The following MYH7 variants were observed in gnomAD, a reference collection of about 807,000 sequenced individuals.
The protein encoded by MYH7 is myosin-7.
In MYH7, 129 loss-of-function variants were observed where a neutral mutation model predicts 225.4. The ratio of observed to expected loss-of-function variants is 0.57; its 90% CI spans 0.50 to 0.66. The LOEUF (loss-of-function observed/expected upper bound fraction) is 0.66. MYH7 is among the 30% of genes least tolerant of loss of function. The pLI is 0.00. For synonymous variants in MYH7, 971 were observed against 1,007.6 expected (o/e 0.96, Z 0.69); for missense variants, 1,649 against 2,517.0 (o/e 0.66, Z 7.38).
Position 23,425,797 on chromosome 14 carries a change from C to T in MYH7, c.2184G>A (p.Ala728=), listed in dbSNP as rs148650290. The change falls in exon 20 of 40, where the codon GCG becomes GCA. Residue 728 remains alanine, a synonymous_variant. Coordinates refer to ENST00000355349, the MANE Select transcript of MYH7 (RefSeq NM_000257.4). The surrounding 1 kb of genome is among the most constrained non-coding windows in gnomAD (Gnocchi z 4.6). The part of the protein sequence containing the change: ...FRQRYRILNP[A]AIPEGQFIDS... ...CAATGAACTGTCCCTCAGGGATGGC[C>T]GCTGGGTTCAGGATGCGATACCTGA... 119 of 1,613,952 alleles carry T rather than the reference C, an allele frequency of 7.4e-5. 1 individual carries two copies. Among genetic ancestry groups the T allele is most frequent in the South Asian group, 4.6e-4 (42 of 91,074 alleles).
Position 23,415,907 on chromosome 14 carries a change from C to T in MYH7, c.4954-75G>A. Reference sequence around the variant, plus strand: ...TCACTAAAGGCACCTGTCAGAGGTCCCTGCAGTAACCTAGGGGCAGGAGGA... The same window carrying T: ...TCACTAAAGGCACCTGTCAGAGGTCTCTGCAGTAACCTAGGGGCAGGAGGA... On this transcript the variant is annotated intron_variant, in intron 34 of 39. Transcript: ENST00000355349. This position sits in a 1 kb window ranked among gnomAD's most constrained non-coding sequence, Gnocchi z 6.3. 2.5e-6 allele frequency: 4 copies of T among 1,613,162 alleles called. No individual in the cohort carries two copies. The highest frequency in any genetic ancestry group is 1.1e-5 in the South Asian group (1 of 91,000).
In MYH7 at chr14:23,433,113, T is replaced by C; in HGVS notation, c.316A>G (p.Lys106Glu). 1 of 1,613,996 alleles carries C rather than the reference T, an allele frequency of 6.2e-7. No individual in the cohort carries two copies. The highest frequency in any genetic ancestry group is 8.5e-7 in the Non-Finnish European group (1 of 1,179,996). ...ATCATCCAGGAGCCGTAGCGATCCT[T>C]GAGGTTGTAGAGCACCGCGGGCTCA... is the stretch of plus-strand genomic sequence containing the variant. ...LHEPAVLYNL[K>E]DRYGSWMIYT... Residue 106 changes from lysine to glutamate, a missense_variant, in exon 4 of 40, where the codon AAG becomes GAG. Lys to Glu is a moderately conservative substitution (Grantham distance 56). Transcript: ENST00000355349. The surrounding 1 kb of genome is among the most constrained non-coding windows in gnomAD (Gnocchi z 4.1).
chr14:23,426,067 G>A lies in MYH7; in HGVS notation c.2059C>T (p.Pro687Ser). The A allele has an allele frequency of 1.9e-6, 3 of 1,614,184 alleles. No homozygotes were observed. Among genetic ancestry groups the A allele is most frequent in the Non-Finnish European group, 2.5e-6 (3 of 1,180,024 alleles). Residue 687 changes from proline to serine, a missense_variant, in exon 19 of 40, where the codon CCC (proline) becomes TCC (serine). Physicochemically the swap from Pro to Ser is moderately conservative, Grantham distance 74. Coordinates refer to ENST00000355349, the MANE Select transcript of MYH7 (RefSeq NM_000257.4). ...ETKSPGVMDN[P>S]LVMHQLRCNG... ...CAGCGCAGCTGGTGCATGACCAGGG[G>A]GTTGTCCATCACCCCTGTGGCAAGA...
rs751695298 is a variant in MYH7, at chr14:23,420,072, G to C, written c.3499C>G (p.Arg1167Gly). 6 of 1,592,276 alleles carry C rather than the reference G, an allele frequency of 3.8e-6. No individual in the cohort carries two copies. Among genetic ancestry groups the C allele is most frequent in the Non-Finnish European group, 4.3e-6 (5 of 1,167,482 alleles). The change falls in exon 27 of 40, where the codon CGC becomes GGC. Residue 1167 changes from arginine to glycine, a missense_variant. Physicochemically the swap from Arg to Gly is moderately radical, Grantham distance 125. Around this residue, in one of 12 missense-constraint regions of MYH7, gnomAD observed 106 missense variants for 198.8 expected, o/e 0.53. Transcript: ENST00000355349. ...CGCATCTTCTGGAACTCGGCCTCGCGCTTCTTGTTCATCTCGATCTGCACG... is the reference window on the plus strand; with the variant it reads ...CGCATCTTCTGGAACTCGGCCTCGCCCTTCTTGTTCATCTCGATCTGCACG... The part of the protein sequence containing the change: ...TSVQIEMNKK[R>G]EAEFQKMRRD...
chr14:23,429,440 C>T (rs1892832906), intron 12 of MYH7, 93 bp from the exon 13 acceptor site: 1 of 1,273,180 alleles, frequency 7.9e-7, no homozygotes, highest in South Asian at 1.2e-5. Flanking sequence ...CTTTGGGAGG[C>T]CAAGGCAGGC....
Position 23,429,255 on chromosome 14 carries a change from C to T in MYH7, c.1231G>A (p.Val411Ile), listed in dbSNP as rs730880868. Residue 411 changes from valine (V) to isoleucine (I), a missense_variant, in exon 13 of 40, where the codon GTC (valine) becomes ATC (isoleucine). Val to Ile is a conservative substitution (Grantham distance 29). This residue lies in a region of MYH7 where 76 missense variants were observed against 233.8 expected (regional missense o/e 0.33). Transcript: ENST00000355349. ...TGCTGGACATTCTGCCCCTTGGTGA[C>T]GTACTCATTGCCCACTTTCACCCGA... ...HPRVKVGNEYVTKGQNVQQVI... is the reference protein window; with the variant it reads ...HPRVKVGNEYITKGQNVQQVI... 15 of 1,614,092 alleles carry T rather than the reference C, an allele frequency of 9.3e-6. No homozygotes were observed. The highest frequency in any genetic ancestry group is 3.3e-5 in the Admixed American group (2 of 60,004).
intron 25 of MYH7, among the ~76,000 whole-genome samples, chr14:23,421,316 G>C (rs942372448): frequency 6.6e-6 from 1 of 152,172 alleles, no homozygotes; most frequent in Non-Finnish European, 1.5e-5. Context: ...TTCTCATAAT[G>C]TAAAATGAGG....
intron 25 of MYH7, among the ~76,000 whole-genome samples, chr14:23,421,466 A>G (rs1290274572): frequency 6.6e-6 from 1 of 152,216 alleles, no homozygotes; most frequent in Non-Finnish European, 1.5e-5. Context: ...TACCATCCTT[A>G]AAAGGTGTTT....
chr14:23,428,452 C>T, intron 15 of MYH7, 48 bp downstream of exon 15: 1 of 1,613,320 alleles, frequency 6.2e-7, no homozygotes, highest in South Asian at 1.1e-5. Context: ...CTATGGTGTT[C>T]TTGTTGGGTG....
intron 13 of MYH7, 44 bp downstream of exon 13, chr14:23,429,185 T>A: frequency 2.5e-6 from 4 of 1,613,774 alleles, no homozygotes; most frequent in Non-Finnish European, 3.4e-6. Flanking sequence ...ACCATGCCAG[T>A]CTCCCTACCC....
At position 23,416,244 on chromosome 14, in the gene MYH7, C is replaced by G; in HGVS notation, c.4713G>C (p.Glu1571Asp). ...AQLEFNQIKA[E>D]IERKLAEKDE... Reference sequence around the variant, plus strand: ...CCTTCTCTGCCAGCTTCCGCTCGATCTCTGCCTTGATCTGGTTGAACTCCA... The same window carrying G: ...CCTTCTCTGCCAGCTTCCGCTCGATGTCTGCCTTGATCTGGTTGAACTCCA... The change falls in exon 34 of 40, where the codon GAG (glutamate) becomes GAC (aspartate). Residue 1571 changes from glutamate to aspartate, a missense_variant. Transcript: ENST00000355349. 1 of 1,614,008 alleles carries G rather than the reference C, an allele frequency of 6.2e-7. No homozygotes were observed. The highest frequency in any genetic ancestry group is 8.5e-7 in the Non-Finnish European group (1 of 1,179,966).
chr14:23,415,593 G>C lies in MYH7; in HGVS notation c.5157+36C>G. On this transcript the variant is annotated intron_variant, in intron 35 of 39. Coordinates refer to ENST00000355349, the MANE Select transcript of MYH7 (RefSeq NM_000257.4). The surrounding 1 kb of genome is among the most constrained non-coding windows in gnomAD (Gnocchi z 6.3). The stretch of plus-strand genomic sequence containing the variant: ...AGCCTTGCTTGCTGAGCCCCAGCCT[G>C]TGCTCCCTTCAGGAATGAGCAGGGG... The C allele has an allele frequency of 1.2e-6, 2 of 1,613,676 alleles. No homozygotes were observed. Among genetic ancestry groups the C allele is most frequent in the Non-Finnish European group, 1.7e-6 (2 of 1,180,004 alleles).
At chr14:23,422,619 T>C (rs2138660073) in intron 24 of MYH7, among the ~76,000 whole-genome samples, 1 of 148,428 alleles carries the variant, frequency 6.7e-6, no homozygotes, top group African/African-American at 2.5e-5. Context: ...TCTCCTTCCT[T>C]CCTTCCTTCC....
In MYH7 at chr14:23,423,738, T is replaced by C; in HGVS notation, c.2923-15A>G. 1 of 1,614,062 alleles carries C rather than the reference T, an allele frequency of 6.2e-7. No homozygotes were observed. The highest frequency in any genetic ancestry group is 8.5e-7 in the Non-Finnish European group (1 of 1,180,026). ...AGGTTTTTCACCTGCCGACCAAGAA[T>C]CCCATCTCCTTTAGGGTCAAAGGTC... On this transcript the variant is annotated splice_polypyrimidine_tract_variant and intron_variant, in intron 23 of 39. Coordinates refer to ENST00000355349, the MANE Select transcript of MYH7 (RefSeq NM_000257.4).
chr14:23,417,770 A>G (rs1892286760), intron 30 of MYH7, 84 bp from the exon 31 acceptor site: 4 of 1,537,164 alleles, frequency 2.6e-6, no homozygotes, highest in Admixed American at 1.8e-5. Flanking sequence ...CTTCTCAAAG[A>G]CAATCCTTGA....
intron 22 of MYH7, 50 bp downstream of exon 22, chr14:23,424,719 A>G (rs748710204): frequency 6.2e-7 from 1 of 1,611,532 alleles, no homozygotes; most frequent in Admixed American, 1.7e-5. Flanking sequence ...GGTTGTGGGA[A>G]GTGAAGGCAG....
rs533073687 is a variant in MYH7, at chr14:23,430,971, G to A, written c.825C>T (p.Phe275=). 3 of 1,613,794 alleles carry A rather than the reference G, an allele frequency of 1.9e-6. No homozygotes were observed. Among genetic ancestry groups the A allele is most frequent in the South Asian group, 1.1e-5 (1 of 91,070 alleles). ...TYLLEKSRVI[F]QLKAERDYHI... ...GATAATCTCTCTCTGCTTTCAGCTG[G>A]AAAATAACTCTGGATTTTTCCAGAA... Residue 275 remains phenylalanine (F), a synonymous_variant, in exon 10 of 40, where the codon TTC becomes TTT. Transcript: ENST00000355349.
At position 23,433,833 on chromosome 14, in the gene MYH7, C is replaced by T. The variant is rs1287297911; in HGVS notation, c.-8-93G>A. The T allele has an allele frequency of 4.7e-6, 6 of 1,266,890 alleles. No individual in the cohort carries two copies. The highest frequency in any genetic ancestry group is 1.5e-5 in the African/African-American group (1 of 68,052). The allele number at this position is 1,266,890 out of a possible 1,614,324, so 78.5% of individuals were successfully genotyped here. The stretch of plus-strand genomic sequence containing the variant: ...CTTCAGTGGGAGCCCCAAAACCTAG[C>T]ACCATGCTCAAGAGTCAAGAGGAGT... On this transcript the variant is annotated intron_variant, in intron 2 of 39. Coordinates refer to ENST00000355349, the MANE Select transcript of MYH7 (RefSeq NM_000257.4). The surrounding 1 kb of genome is among the most constrained non-coding windows in gnomAD (Gnocchi z 4.1).
rs1892235051 is a variant in MYH7 at position 23,416,884 on chromosome 14, G to A, written c.4628C>T (p.Ala1543Val). The change falls in exon 33 of 40, where the codon GCC becomes GTC. Residue 1543 changes from alanine to valine, a missense_variant. Ala to Val is a moderately conservative substitution (Grantham distance 64). Transcript: ENST00000355349. ...LEAEKMELQS[A>V]LEEAEASLEH... ...CACACACACCTCGGCCTCCTCCAGGGCTGACTGCAGCTCCATCTTCTCGGC... is the reference window on the plus strand; with the variant it reads ...CACACACACCTCGGCCTCCTCCAGGACTGACTGCAGCTCCATCTTCTCGGC... 2 of 1,614,138 alleles carry A rather than the reference G, an allele frequency of 1.2e-6. No individual in the cohort carries two copies. The highest frequency in any genetic ancestry group is 1.7e-6 in the Non-Finnish European group (2 of 1,180,008).
Sources: gnomAD v4.1 joint callset for allele counts (sites outside exome capture counted in the v4.1 genomes callset) on GRCh38, gnomAD v4.1.1 for gene constraint, gnomAD v4.1.1 regional missense constraint, Gnocchi (gnomAD v3.1) non-coding constraint, MANE v1.5 for transcripts, NCBI Gene and HGNC (gene_info 2026-07-23, HGNC 2026-07-21) for gene names.